The following SORBS2 variants were observed in gnomAD, a reference collection of about 807,000 sequenced individuals.
SORBS2 encodes sorbin and SH3 domain containing 2, also known as sorbin and SH3 domain-containing protein 2.
Under a neutral mutation model 97.7 loss-of-function variants are expected in SORBS2, and 46 were observed. That is an observed-to-expected ratio of 0.47 (90% CI 0.37 to 0.60). The LOEUF (loss-of-function observed/expected upper bound fraction) is 0.60, where lower values mean the gene tolerates loss of function less well. Ranked by LOEUF, SORBS2 falls within the 20% of genes least tolerant of loss-of-function variation. The probability of loss-of-function intolerance (pLI) is 0.00; values close to 1 mark genes in which losing one functional copy is unlikely to be tolerated. For synonymous variants in SORBS2, 476 were observed against 473.4 expected, an observed-to-expected ratio of 1.01 and a Z score of -0.07; for missense variants, 1,316 against 1,282.3, an observed-to-expected ratio of 1.03 and a Z score of -0.40.
intron 2 of SORBS2, among the ~76,000 whole-genome samples, chr4:185,698,470 G>A (rs984588454): frequency 1.3e-5 from 2 of 151,592 alleles, no homozygotes; most frequent in African/African-American, 4.8e-5. Context: ...TCCAGCCTGG[G>A]TGACAGAGCA....
intron 1 of SORBS2, among the ~76,000 whole-genome samples, chr4:185,904,710 A>G (rs1437598854): frequency 2.0e-5 from 3 of 152,262 alleles, no homozygotes; most frequent in Non-Finnish European, 4.4e-5. Context: ...GACTAAAATA[A>G]AAGAGAAAGT....
chr4:185,951,247 C>T (rs530994725), intron 1 of SORBS2, among the ~76,000 whole-genome samples: 24 of 152,312 alleles, frequency 1.6e-4, no homozygotes, highest in Admixed American at 1.3e-3. Flanking sequence ...TCAGTCCATA[C>T]AAGCATTTTG....
At chr4:185,817,207 T>C (rs148385521) in intron 1 of SORBS2, among the ~76,000 whole-genome samples, 2 of 150,196 alleles carry the variant, frequency 1.3e-5, no homozygotes, top group African/African-American at 4.9e-5. Flanking sequence ...TGTTATCCAA[T>C]AATAACAAAA....
At chr4:185,900,833 A>G (rs2099247337) in intron 1 of SORBS2, among the ~76,000 whole-genome samples, 1 of 152,116 alleles carries the variant, frequency 6.6e-6, no homozygotes, top group Non-Finnish European at 1.5e-5. Context: ...TCAGACCAAG[A>G]ATCTGATTCA....
intron 2 of SORBS2, among the ~76,000 whole-genome samples, chr4:185,743,261 T>G (rs1403093126): frequency 6.6e-6 from 1 of 152,182 alleles, no homozygotes; most frequent in Non-Finnish European, 1.5e-5. Context: ...TGTTAATAAG[T>G]CTTTTGAGCT....
intron 1 of SORBS2, among the ~76,000 whole-genome samples, chr4:185,809,348 G>T (rs981415598): frequency 2.4e-4 from 36 of 148,816 alleles, no homozygotes; most frequent in African/African-American, 8.7e-4. Flanking sequence ...AAGCAGGGTG[G>T]GGGACAGTGA....
At chr4:185,874,529 A>G (rs1424718662) in intron 1 of SORBS2, among the ~76,000 whole-genome samples, 1 of 152,112 alleles carries the variant, frequency 6.6e-6, no homozygotes, top group Non-Finnish European at 1.5e-5. Context: ...ATGATTTCCA[A>G]ATTTCTGTTG....
At chr4:185,892,070 T>C (rs10050049) in intron 1 of SORBS2, among the ~76,000 whole-genome samples, 4,936 of 152,218 alleles carry the variant, frequency 0.032, 237 homozygotes, top group African/African-American at 0.1. Context: ...CCTGACCTCG[T>C]GATCCGCCTG....
At chr4:185,673,631 A>G (rs972262706) in intron 4 of SORBS2, among the ~76,000 whole-genome samples, 3 of 152,192 alleles carry the variant, frequency 2.0e-5, no homozygotes, top group South Asian at 2.1e-4. Context: ...CAGCAGTTCT[A>G]TGAATGGTTG....
At chr4:185,587,324 C>T (rs538533271) in exon 15 of SORBS2, 26 of 246,512 alleles carry the variant, frequency 1.1e-4, no homozygotes, top group Non-Finnish European at 1.9e-4. Context: ...TTTTTTTTGC[C>T]TCAAATATTT....
At chr4:185,931,812 G>GACAGACAC (rs112366680) in intron 1 of SORBS2, among the ~76,000 whole-genome samples, 53 of 150,908 alleles carry the variant, frequency 3.5e-4, no homozygotes, top group African/African-American at 1.0e-3. Context: ...GAGACAGACA[G>GACAGACAC]ACACACACAC....
chr4:185,827,908 CCAT>C (rs138908741), intron 1 of SORBS2, among the ~76,000 whole-genome samples: 36,960 of 143,832 alleles, frequency 0.26, 5,899 homozygotes, highest in Middle Eastern at 0.38. Flanking sequence ...CATCATCATA[CCAT>C]CATCATCATC....
chr4:185,861,469 T>C (rs1399362615), intron 1 of SORBS2, among the ~76,000 whole-genome samples: 1 of 151,974 alleles, frequency 6.6e-6, no homozygotes, highest in Non-Finnish European at 1.5e-5. Flanking sequence ...CAGGAAGGAT[T>C]CAAATGATGA....
chr4:185,689,998 A>G (rs2098061513), intron 2 of SORBS2, among the ~76,000 whole-genome samples: 1 of 152,252 alleles, frequency 6.6e-6, no homozygotes, highest in Non-Finnish European at 1.5e-5. Flanking sequence ...TGTATCATGA[A>G]CACTTTTACA....
intron 1 of SORBS2, among the ~76,000 whole-genome samples, chr4:185,918,793 T>C (rs117367267): frequency 6.6e-6 from 1 of 152,346 alleles, no homozygotes; most frequent in East Asian, 1.9e-4. Flanking sequence ...ATTGGACTAT[T>C]CTGTGCTGAG....
At chr4:185,652,139 C>A (rs1477780706) in intron 2 of SORBS2, among the ~76,000 whole-genome samples, 1 of 152,082 alleles carries the variant, frequency 6.6e-6, no homozygotes, top group African/African-American at 2.4e-5. Context: ...CAGGCCTCTG[C>A]AAACTGCCCT....
intron 2 of SORBS2, among the ~76,000 whole-genome samples, chr4:185,689,110 G>C (rs1455521840): frequency 6.6e-6 from 1 of 152,144 alleles, no homozygotes; most frequent in East Asian, 1.9e-4. Context: ...TGAATAGGAA[G>C]GTTAATTATT....
intron 2 of SORBS2, among the ~76,000 whole-genome samples, chr4:185,760,653 T>C (rs1431670703): frequency 5.9e-5 from 9 of 152,196 alleles, no homozygotes; most frequent in Admixed American, 2.6e-4. Flanking sequence ...CAGCATTGGA[T>C]AGAACAATAC....
At chr4:185,660,140 A>G (rs1400593524), upstream of SORBS2, among the ~76,000 whole-genome samples, 1 of 152,192 alleles carries the variant, frequency 6.6e-6, no homozygotes, top group African/African-American at 2.4e-5. Flanking sequence ...AGAATATTTT[A>G]TATGTAAAAT....
Sources: allele counts gnomAD v4.1 joint callset (sites outside exome capture counted in the v4.1 genomes callset), GRCh38; gene constraint gnomAD v4.1.1; transcripts MANE v1.5; gene names NCBI Gene and HGNC (gene_info 2026-07-23, HGNC 2026-07-21).